PTPRT: variants seen among roughly 807,000 people sequenced by gnomAD.
PTPRT encodes receptor-type tyrosine-protein phosphatase T.
Under a neutral mutation model 176.8 loss-of-function variants are expected in PTPRT, and 56 were observed. That is an observed-to-expected ratio of 0.32 (90% CI 0.26 to 0.40). The LOEUF (loss-of-function observed/expected upper bound fraction) is 0.40. PTPRT is among the 10% of genes least tolerant of loss of function. The pLI is 1.00. For synonymous variants in PTPRT, 783 were observed against 739.0 expected, an observed-to-expected ratio of 1.06 and a Z score of -0.96; for missense variants, 1,540 against 1,908.2, an observed-to-expected ratio of 0.81 and a Z score of 3.60.
chr20:42,869,886 C>A (rs187683794), intron 2 of PTPRT, among the ~76,000 whole-genome samples: 1 of 152,230 alleles, frequency 6.6e-6, no homozygotes, highest in East Asian at 1.9e-4. Flanking sequence ...GCGGTCAGAG[C>A]CCTCATGAAT....
Position 42,356,838 on chromosome 20 carries a change from C to A in PTPRT, c.1561-4553G>T, listed in dbSNP as rs549644904. On this transcript the variant is annotated intron_variant, in intron 9 of 30. Coordinates refer to ENST00000373187, the MANE Select transcript of PTPRT (RefSeq NM_007050.6). Reference sequence around the variant, plus strand: ...GGCCTCGCTCGTCCTCCCCCCAGCACCCCAAGCCTTACTTCAGTACTAAAA... The same window carrying A: ...GGCCTCGCTCGTCCTCCCCCCAGCAACCCAAGCCTTACTTCAGTACTAAAA... Among the ~76,000 whole-genome samples the A allele has an allele frequency of 1.2e-4, 19 of 152,274 alleles. No individual in the cohort carries two copies. The South Asian group carries it at 3.9e-3, about 32-fold the overall frequency.
rs74326393 is a variant in PTPRT, at chr20:42,203,035, T to C, written c.2343-3647A>G. On this transcript the variant is annotated intron_variant, in intron 15 of 30. Coordinates refer to ENST00000373187, the MANE Select transcript of PTPRT (RefSeq NM_007050.6). ...TGAATTGTAAAAATATCAGATATATTACATCCTTAGTATTTAAAGCTGATG... is the reference window on the plus strand; with the variant it reads ...TGAATTGTAAAAATATCAGATATATCACATCCTTAGTATTTAAAGCTGATG... 6.9e-3 allele frequency among the ~76,000 whole-genome samples: 1,058 copies of C among 152,338 alleles called. 14 individuals carry two copies. The highest frequency in any genetic ancestry group is 0.024 in the African/African-American group (1,003 of 41,582).
intron 1 of PTPRT, among the ~76,000 whole-genome samples, chr20:43,137,137 C>G (rs1352330577): frequency 6.6e-6 from 1 of 152,202 alleles, no homozygotes; most frequent in African/African-American, 2.4e-5. Flanking sequence ...CCTTAGACAT[C>G]TAGTCCAACC....
chr20:42,672,680 G>A (rs945885897), intron 7 of PTPRT, among the ~76,000 whole-genome samples: 5 of 152,158 alleles, frequency 3.3e-5, no homozygotes, highest in African/African-American at 9.7e-5. Flanking sequence ...GGGATGCTGC[G>A]CTACAGGCAA....
intron 7 of PTPRT, among the ~76,000 whole-genome samples, chr20:42,476,852 C>A (rs1395554042): frequency 1.3e-5 from 2 of 152,180 alleles, no homozygotes; most frequent in Admixed American, 1.3e-4. Flanking sequence ...TACCCAGGGC[C>A]ACATGGCCGA....
intron 7 of PTPRT, among the ~76,000 whole-genome samples, chr20:42,626,796 C>T (rs552585048): frequency 2.1e-4 from 32 of 152,230 alleles, no homozygotes; most frequent in African/African-American, 7.0e-4. Context: ...TCCTAAGGCC[C>T]GACTTGACCA....
At chr20:42,138,658 G>A (rs1391306269) in intron 18 of PTPRT, among the ~76,000 whole-genome samples, 1 of 152,040 alleles carries the variant, frequency 6.6e-6, no homozygotes, top group African/African-American at 2.4e-5. Flanking sequence ...ATTTCCCCTT[G>A]CCAACAGTCG....
chr20:43,043,838 A>G (rs1986730400), intron 1 of PTPRT, among the ~76,000 whole-genome samples: 1 of 152,108 alleles, frequency 6.6e-6, no homozygotes, highest in Admixed American at 6.5e-5. Context: ...TACTGTGAAG[A>G]AGATGATTTT....
chr20:42,402,452 T>C (rs1258412453), intron 9 of PTPRT, among the ~76,000 whole-genome samples: 1 of 130,430 alleles, frequency 7.7e-6, no homozygotes, highest in Non-Finnish European at 1.6e-5. Flanking sequence ...CTCAGAAAGA[T>C]GCCCTGTTTG....
At chr20:42,044,725 C>T in the PTPRT span, among the ~76,000 whole-genome samples, 3 of 152,218 alleles carry the variant, frequency 2.0e-5, no homozygotes, top group South Asian at 6.2e-4. Flanking sequence ...GAGAGGTATT[C>T]GCTTTCGTCT....
At chr20:42,789,584 A>G (rs867579848) in intron 3 of PTPRT, among the ~76,000 whole-genome samples, 4 of 152,232 alleles carry the variant, frequency 2.6e-5, no homozygotes, top group African/African-American at 9.6e-5. Context: ...TGCCTGGAAC[A>G]TGATAAACAC....
At chr20:42,398,734 A>T (rs1365919863) in intron 9 of PTPRT, among the ~76,000 whole-genome samples, 3 of 152,168 alleles carry the variant, frequency 2.0e-5, no homozygotes, top group Non-Finnish European at 4.4e-5. Context: ...TTTTTAATTT[A>T]AAAAAACATA....
chr20:43,173,604 G>A (rs1389152947), intron 1 of PTPRT, among the ~76,000 whole-genome samples: 1 of 152,222 alleles, frequency 6.6e-6, no homozygotes, highest in Non-Finnish European at 1.5e-5. Flanking sequence ...AAACTGCTGT[G>A]CTTGCGGGAG....
At chr20:42,947,578 C>T (rs1980962135) in intron 1 of PTPRT, among the ~76,000 whole-genome samples, 1 of 152,164 alleles carries the variant, frequency 6.6e-6, no homozygotes, top group Non-Finnish European at 1.5e-5. Context: ...CACAGAAGAA[C>T]AAAATATACA....
At chr20:42,155,049 G>T (rs112279975) in intron 17 of PTPRT, among the ~76,000 whole-genome samples, 4 of 152,278 alleles carry the variant, frequency 2.6e-5, no homozygotes, top group Admixed American at 1.3e-4. Flanking sequence ...TTTTCTTAGT[G>T]GTTCTCAGCT....
chr20:42,980,072 C>T (rs35016171), intron 1 of PTPRT, among the ~76,000 whole-genome samples: 2,031 of 151,898 alleles, frequency 0.013, 31 homozygotes, highest in Non-Finnish European at 0.021. Flanking sequence ...AACTGCAAAA[C>T]GTGGTGTGGT....
intron 7 of PTPRT, among the ~76,000 whole-genome samples, chr20:42,666,196 G>A (rs1252556373): frequency 1.3e-5 from 2 of 152,138 alleles, no homozygotes; most frequent in Non-Finnish European, 2.9e-5. Context: ...CAATCACACA[G>A]GACCTGTTAT....
intron 2 of PTPRT, among the ~76,000 whole-genome samples, chr20:42,854,359 G>C (rs558881321): frequency 2.4e-4 from 37 of 152,302 alleles, no homozygotes; most frequent in African/African-American, 8.9e-4. Flanking sequence ...CCAAGACATA[G>C]CAAGTTTGAA....
intron 7 of PTPRT, among the ~76,000 whole-genome samples, chr20:42,503,468 T>C (rs2071791140): frequency 6.6e-6 from 1 of 152,074 alleles, no homozygotes; most frequent in Non-Finnish European, 1.5e-5. Flanking sequence ...AACTTCCAAA[T>C]GTATAAACTT....
Sources: allele counts gnomAD v4.1 joint callset (sites outside exome capture counted in the v4.1 genomes callset), GRCh38; gene constraint gnomAD v4.1.1; transcripts MANE v1.5; gene names NCBI Gene and HGNC (gene_info 2026-07-23, HGNC 2026-07-21).